Variants in FMNL3 observed in about 807,000 individuals in gnomAD.
FMNL3 encodes the protein formin like 3, also known as formin-like protein 3.
In FMNL3, 57 loss-of-function variants were observed where a neutral mutation model predicts 119.6. The observed-to-expected ratio is 0.48, with a 90% CI of 0.39 to 0.59. The LOEUF is 0.59. FMNL3 is among the 20% of genes least tolerant of loss of function. The pLI, the probability that FMNL3 is intolerant of heterozygous loss-of-function variation, is 0.00. For synonymous variants in FMNL3, 491 were observed against 507.3 expected (o/e 0.97, Z 0.43); for missense variants, 1,053 against 1,323.5 (o/e 0.80, Z 3.17).
At position 49,665,814 on chromosome 12, in the gene FMNL3, A is replaced by T. The variant is rs147159348; in HGVS notation, c.368+18T>A. ...GCCTGGGGCCAGATGAAGAGGCTAT[A>T]CGGCCAATCCAACTCACCCAATGTG... is the stretch of plus-strand genomic sequence containing the variant. On this transcript the variant is annotated intron_variant, in intron 4 of 25. Coordinates refer to ENST00000335154, the MANE Select transcript of FMNL3 (RefSeq NM_175736.5). The T allele has an allele frequency of 3.7e-5, 60 of 1,613,918 alleles. No homozygotes were observed. The highest frequency in any genetic ancestry group is 5.1e-5 in the Non-Finnish European group (60 of 1,179,766).
At chr12:49,706,380 T>C (rs1423733778) in intron 1 of FMNL3, among the ~76,000 whole-genome samples, 3 of 152,152 alleles carry the variant, frequency 2.0e-5, no homozygotes, top group Non-Finnish European at 2.9e-5. Flanking sequence ...ATGGTTTGTG[T>C]ATTGTTTCAC....
chr12:49,690,480 CTA>C (rs1316782473), intron 1 of FMNL3, among the ~76,000 whole-genome samples: 1 of 152,188 alleles, frequency 6.6e-6, no homozygotes, highest in Non-Finnish European at 1.5e-5. Flanking sequence ...CCTCTAAACT[CTA>C]TGAGGGCAAA....
rs917741717 is a variant in FMNL3 at position 49,647,533 on chromosome 12, C to G, written c.2779-165G>C. On this transcript the variant is annotated intron_variant, in intron 23 of 25. Coordinates refer to ENST00000335154, the MANE Select transcript of FMNL3 (RefSeq NM_175736.5). The surrounding 1 kb of genome is among the most constrained non-coding windows in gnomAD (Gnocchi z 4.9). Reference sequence around the variant, plus strand: ...CAAACAATGACAGGAAGGTCCTGGGCCCCACCCTGCCCACCAGTTCACAGC... The same window carrying G: ...CAAACAATGACAGGAAGGTCCTGGGGCCCACCCTGCCCACCAGTTCACAGC... Among the ~76,000 whole-genome samples the G allele has an allele frequency of 6.6e-6, 1 of 152,082 alleles. No individual in the cohort carries two copies. The highest frequency in any genetic ancestry group is 2.4e-5 in the African/African-American group (1 of 41,412).
At chr12:49,661,750 T>G (rs749704834) in intron 5 of FMNL3, 217 of 570,576 alleles carry the variant, frequency 3.8e-4, no homozygotes, top group Admixed American at 8.4e-4. Context: ...AAAATGCATC[T>G]TATCTTCTAC....
Position 49,653,737 on chromosome 12 carries a change from C to T in FMNL3, c.1209G>A (p.Glu403=). 2 of 1,614,168 alleles carry T rather than the reference C, an allele frequency of 1.2e-6. No individual in the cohort carries two copies. The highest frequency in any genetic ancestry group is 1.7e-6 in the Non-Finnish European group (2 of 1,180,008). Residue 403 remains glutamate (E), a synonymous_variant, in exon 12 of 26, where the codon GAG becomes GAA. Coordinates refer to ENST00000335154, the MANE Select transcript of FMNL3 (RefSeq NM_175736.5). ...GAAGACCACCTACATGGGACACATG[C>T]TCCTCCAACTCCTCCACCTTCTCCA... ...VALEKVEELE[E]HVSHLTEKLL... is the part of the protein sequence containing the mutation.
intron 12 of FMNL3, among the ~76,000 whole-genome samples, 183 bp from the exon 13 acceptor site, chr12:49,653,510 A>G (rs1032762681): frequency 1.1e-4 from 16 of 152,240 alleles, no homozygotes; most frequent in African/African-American, 3.6e-4. Context: ...GACTGTCTCA[A>G]GACCAATGCC....
Position 49,693,472 on chromosome 12 carries a change from G to A in FMNL3, c.126+13583C>T, listed in dbSNP as rs367643615. The stretch of plus-strand genomic sequence containing the variant: ...GGCTCACTGCAGCCTCTACCTCCCA[G>A]GTTCAAGTGATTCTCGTGCCTCAGC... On this transcript the variant is annotated intron_variant, in intron 1 of 25. Coordinates refer to ENST00000335154, the MANE Select transcript of FMNL3 (RefSeq NM_175736.5). 1.6e-4 allele frequency among the ~76,000 whole-genome samples: 24 copies of A among 151,536 alleles called. No individual in the cohort carries two copies. The South Asian group carries it at 5.0e-3, about 32-fold the overall frequency.
intron 4 of FMNL3, 55 bp from the exon 5 acceptor site, chr12:49,662,104 AG>A: frequency 6.5e-7 from 1 of 1,550,282 alleles, no homozygotes; most frequent in Non-Finnish European, 8.9e-7. Context: ...GTCAAGGATG[AG>A]GGGGGTGACA....
At chr12:49,692,021 CA>C (rs925322737) in intron 1 of FMNL3, among the ~76,000 whole-genome samples, 5 of 109,488 alleles carry the variant, frequency 4.6e-5, no homozygotes, top group Non-Finnish European at 6.8e-5. Flanking sequence ...GCTGACGTAG[CA>C]AGACTCCATC....
At chr12:49,651,048 T>G in intron 16 of FMNL3, 120 bp downstream of exon 16, 1 of 1,485,588 alleles carries the variant, frequency 6.7e-7, no homozygotes, top group South Asian at 1.2e-5. Flanking sequence ...GAATGAAGGG[T>G]TGGTGGAGCT....
At chr12:49,699,054 G>T (rs1161286012) in intron 1 of FMNL3, among the ~76,000 whole-genome samples, 2 of 152,174 alleles carry the variant, frequency 1.3e-5, no homozygotes, top group African/African-American at 4.8e-5. Flanking sequence ...GAACCGCGAT[G>T]AACCCCTAGC....
chr12:49,675,709 C>A (rs1439524341), intron 1 of FMNL3, among the ~76,000 whole-genome samples: 1 of 152,208 alleles, frequency 6.6e-6, no homozygotes, highest in African/African-American at 2.4e-5. Flanking sequence ...TCCTCCCTGC[C>A]ATCCTGCACA....
rs778813456 is a variant in FMNL3, at chr12:49,643,912, G to T, written c.*1903C>A. Reference sequence around the variant, plus strand: ...TGAGGAGAAAGCTGGCAAGGAGAGCGATGAGAAAGAACAAGAACAGGACAA... The same window carrying T: ...TGAGGAGAAAGCTGGCAAGGAGAGCTATGAGAAAGAACAAGAACAGGACAA... On this transcript the variant is annotated 3_prime_UTR_variant, in exon 26 of 26. Transcript: ENST00000335154. 7 of 1,614,196 alleles carry T rather than the reference G, an allele frequency of 4.3e-6. No individual in the cohort carries two copies. The highest frequency in any genetic ancestry group is 5.9e-6 in the Non-Finnish European group (7 of 1,180,036).
At position 49,649,901 on chromosome 12, in the gene FMNL3, C is replaced by T; in HGVS notation, c.2025G>A (p.Val675=). 1 of 1,613,942 alleles carries T rather than the reference C, an allele frequency of 6.2e-7. No individual in the cohort carries two copies. The highest frequency in any genetic ancestry group is 8.5e-7 in the Non-Finnish European group (1 of 1,180,014). The part of the protein sequence containing the change: ...IHTFDLQTLP[V]DFVECLMRFL... ...AGCGCATCAGGCACTCCACGAAGTC[C>T]ACAGGTAGTGTCTGCAAGTCAAACC... The change falls in exon 18 of 26, where the codon GTG becomes GTA. Residue 675 remains valine, a synonymous_variant. Coordinates refer to ENST00000335154, the MANE Select transcript of FMNL3 (RefSeq NM_175736.5). This position sits in a 1 kb window ranked among gnomAD's most constrained non-coding sequence, Gnocchi z 5.6.
chr12:49,698,164 T>C (rs2139039567), intron 1 of FMNL3, among the ~76,000 whole-genome samples: 1 of 151,980 alleles, frequency 6.6e-6, no homozygotes, highest in Admixed American at 6.6e-5. Flanking sequence ...TGAATTTGAG[T>C]AGAAATGAGC....
At chr12:49,700,578 G>T (rs1944880260) in intron 1 of FMNL3, among the ~76,000 whole-genome samples, 1 of 151,170 alleles carries the variant, frequency 6.6e-6, no homozygotes, top group Non-Finnish European at 1.5e-5. Context: ...AGCCAGGCAT[G>T]GTGGCATGCA....
At chr12:49,706,523 C>G (rs949512335) in intron 1 of FMNL3, among the ~76,000 whole-genome samples, 1 of 151,482 alleles carries the variant, frequency 6.6e-6, no homozygotes, top group African/African-American at 2.5e-5. Context: ...CCACCCCCTT[C>G]AGGAGCTGCC....
rs1942556154 is a variant in FMNL3, at chr12:49,640,974, G to A, written c.*4841C>T. 1 of 152,228 alleles carries A rather than the reference G, an allele frequency of 6.6e-6. No individual in the cohort carries two copies. Among genetic ancestry groups the A allele is most frequent in the Admixed American group, 6.5e-5 (1 of 15,286 alleles). 9.4% of individuals were successfully genotyped at this position (152,228 alleles called of 1,614,324 possible). A position where few individuals can be genotyped will look rare whatever the true frequency, so the allele number is the denominator to read the frequency against. On this transcript the variant is annotated 3_prime_UTR_variant, in exon 26 of 26. Coordinates refer to ENST00000335154, the MANE Select transcript of FMNL3 (RefSeq NM_175736.5). ...GTTGAGGAAGTACCCTTGGAAAGAA[G>A]AAAGAGGAGCACACCTCTGCCATCA... is the stretch of plus-strand genomic sequence containing the variant.
At chr12:49,655,994 G>T (rs563410509) in intron 9 of FMNL3, among the ~76,000 whole-genome samples, 31 of 152,216 alleles carry the variant, frequency 2.0e-4, no homozygotes, top group Non-Finnish European at 2.9e-4. Context: ...CAAAACACAT[G>T]TGCTTTGGGT....
Sources: gnomAD v4.1 joint callset for allele counts (sites outside exome capture counted in the v4.1 genomes callset) on GRCh38, gnomAD v4.1.1 for gene constraint, Gnocchi (gnomAD v3.1) non-coding constraint, MANE v1.5 for transcripts, NCBI Gene and HGNC (gene_info 2026-07-23, HGNC 2026-07-21) for gene names.